Variants in HEATR4 observed in about 807,000 individuals in gnomAD.
HEATR4 encodes the protein HEAT repeat containing 4.
A neutral mutation model predicts 108.8 loss-of-function variants in HEATR4; 95 were observed. The observed-to-expected ratio is 0.87, with a 90% CI of 0.74 to 1.04. The LOEUF (loss-of-function observed/expected upper bound fraction) is 1.04, where lower values mean the gene tolerates loss of function less well. Ranked by LOEUF, HEATR4 falls within the 50% of genes least tolerant of loss-of-function variation. The probability of loss-of-function intolerance (pLI) is 0.00; values close to 1 mark genes in which losing one functional copy is unlikely to be tolerated. For synonymous variants in HEATR4, 443 were observed against 459.4 expected, an observed-to-expected ratio of 0.96 and a Z score of 0.46; for missense variants, 1,152 against 1,253.8, an observed-to-expected ratio of 0.92 and a Z score of 1.23.
chr14:73,508,078 C>T, intron 9 of HEATR4, 56 bp downstream of exon 9: 1 of 1,518,580 alleles, frequency 6.6e-7, no homozygotes, highest in Non-Finnish European at 9.1e-7. Flanking sequence ...CATTCACTGA[C>T]CTCAAAGACC....
At chr14:73,575,449 A>C in the HEATR4 span, 10 of 1,435,532 alleles carry the variant, frequency 7.0e-6, no homozygotes, top group Non-Finnish European at 9.2e-6. Flanking sequence ...GCTTGGAAAC[A>C]ACTCCAGACT....
At position 73,485,419 on chromosome 14, in the gene HEATR4, T is replaced by TC. The variant is rs1337071719; in HGVS notation, c.2845-6578dup. Among the ~76,000 whole-genome samples, 3 of 151,596 alleles carry TC rather than the reference T, an allele frequency of 2.0e-5. No individual in the cohort carries two copies. In the South Asian group the frequency reaches 6.2e-4, roughly 32 times the overall value. Reference sequence around the variant, plus strand: ...CATGGGTGAATTTTTTTTTTTTTTTTCGAGACAGGGTTTGGCTCTATTGCC... The same window carrying TC: ...CATGGGTGAATTTTTTTTTTTTTTTTCCGAGACAGGGTTTGGCTCTATTGCC... On this transcript the variant is annotated intron_variant, in intron 17 of 17. Coordinates refer to ENST00000553558, the MANE Select transcript of HEATR4 (RefSeq NM_001220484.1).
At chr14:73,585,542 A>T in the HEATR4 span, among the ~76,000 whole-genome samples, 1 of 151,926 alleles carries the variant, frequency 6.6e-6, no homozygotes, top group Admixed American at 6.6e-5. Flanking sequence ...AAAAATAATT[A>T]GCCGGGCTTG....
the HEATR4 span, among the ~76,000 whole-genome samples, chr14:73,627,686 C>T: frequency 6.6e-6 from 1 of 152,176 alleles, no homozygotes; most frequent in South Asian, 2.1e-4. Context: ...GAACCCATTT[C>T]TGGGTTTTTA....
At chr14:73,500,795 A>G in intron 11 of HEATR4, 65 bp from the exon 12 acceptor site, 1 of 1,444,318 alleles carries the variant, frequency 6.9e-7, no homozygotes, top group Non-Finnish European at 9.6e-7. Context: ...CCCAACCCCC[A>G]CTAATGCCCT....
the HEATR4 span, among the ~76,000 whole-genome samples, chr14:73,624,581 G>T: frequency 2.6e-5 from 4 of 152,190 alleles, no homozygotes; most frequent in East Asian, 3.9e-4. Context: ...CATCCAGCCT[G>T]GGTGACAGAG....
At chr14:73,509,205 A>G in intron 8 of HEATR4, 107 bp downstream of exon 8, 2 of 1,100,958 alleles carry the variant, frequency 1.8e-6, no homozygotes, top group Non-Finnish European at 2.7e-6. Flanking sequence ...TAAACCCAAT[A>G]CAGCAGACAT....
chr14:73,492,509 G>A lies in HEATR4; in HGVS notation c.2844+557C>T, dbSNP rs1464931860. The A allele has an allele frequency of 6.2e-7, 1 of 1,613,422 alleles. No individual in the cohort carries two copies. The highest frequency in any genetic ancestry group is 8.5e-7 in the Non-Finnish European group (1 of 1,179,726). On this transcript the variant is annotated intron_variant, in intron 17 of 17. Coordinates refer to ENST00000553558, the MANE Select transcript of HEATR4 (RefSeq NM_001220484.1). The surrounding 1 kb of genome is among the most constrained non-coding windows in gnomAD (Gnocchi z 4.9). Reference sequence around the variant, plus strand: ...ACACTTTGCTCCTGTTGATGCTGTGGCCGACCAGCGAGCCAAAGACTTCAT... The same window carrying A: ...ACACTTTGCTCCTGTTGATGCTGTGACCGACCAGCGAGCCAAAGACTTCAT...
At chr14:73,560,355 G>A (rs1180007606), upstream of HEATR4, among the ~76,000 whole-genome samples, 2 of 152,106 alleles carry the variant, frequency 1.3e-5, no homozygotes, top group Non-Finnish European at 1.5e-5. Flanking sequence ...CAGAGGGTAC[G>A]TTTTCTGTTA....
chr14:73,496,702 T>TATCTTTC, intron 14 of HEATR4, 23 bp from the exon 15 acceptor site: 1 of 1,275,440 alleles, frequency 7.8e-7, no homozygotes, highest in Non-Finnish European at 1.1e-6. Context: ...AAGGGCTTCT[T>TATCTTTC]AGATTATTCT....
At chr14:73,479,444 T>TTCTTTC (rs1566814217) in intron 17 of HEATR4, among the ~76,000 whole-genome samples, 2 of 145,776 alleles carry the variant, frequency 1.4e-5, no homozygotes, top group African/African-American at 5.1e-5. Flanking sequence ...TCTTTCTTTT[T>TTCTTTC]TTTTTTTTTT....
chr14:73,586,668 G>T, the HEATR4 span, among the ~76,000 whole-genome samples: 18 of 149,758 alleles, frequency 1.2e-4, no homozygotes, highest in Non-Finnish European at 2.2e-4. Flanking sequence ...ATGCACCACT[G>T]CACTGCAGCC....
chr14:73,613,242 T>C, the HEATR4 span, among the ~76,000 whole-genome samples: 1 of 152,234 alleles, frequency 6.6e-6, no homozygotes, highest in East Asian at 1.9e-4. Context: ...TGGGCTCAAG[T>C]CCTCTCGCCT....
chr14:73,479,142 G>A (rs1885139504), intron 17 of HEATR4, among the ~76,000 whole-genome samples: 1 of 151,342 alleles, frequency 6.6e-6, no homozygotes, highest in Non-Finnish European at 1.5e-5. Flanking sequence ...TTGAGACGGA[G>A]TCTCACACTC....
chr14:73,615,388 T>TAAAAAAAA, the HEATR4 span, among the ~76,000 whole-genome samples: 15 of 63,300 alleles, frequency 2.4e-4, 2 homozygotes, highest in African/African-American at 9.0e-4. Flanking sequence ...CTCTGTCTGA[T>TAAAAAAAA]AAAAAAAAAA....
upstream of HEATR4, among the ~76,000 whole-genome samples, chr14:73,560,549 G>A (rs1005603561): frequency 6.6e-6 from 1 of 151,530 alleles, no homozygotes; most frequent in African/African-American, 2.4e-5. Flanking sequence ...TGTAGTCCCA[G>A]CTACTTGGAG....
At chr14:73,573,575 G>T in the HEATR4 span, 1 of 1,613,704 alleles carries the variant, frequency 6.2e-7, no homozygotes, top group East Asian at 2.2e-5. Flanking sequence ...TGAACTACTT[G>T]CTCAGTCATC....
At chr14:73,503,951 C>A (rs1381856386) in intron 10 of HEATR4, among the ~76,000 whole-genome samples, 1 of 152,092 alleles carries the variant, frequency 6.6e-6, no homozygotes, top group Non-Finnish European at 1.5e-5. Context: ...TTTTTACTTT[C>A]AGTTGTCAAT....
the HEATR4 span, chr14:73,568,942 C>T: frequency 2.2e-6 from 1 of 454,078 alleles, no homozygotes; most frequent in East Asian, 3.8e-5. Flanking sequence ...TCAAAACTAA[C>T]TCCAGCTCTG....
Sources: allele counts gnomAD v4.1 joint callset (sites outside exome capture counted in the v4.1 genomes callset), GRCh38; gene constraint gnomAD v4.1.1; non-coding constraint Gnocchi (gnomAD v3.1); transcripts MANE v1.5; gene names NCBI Gene and HGNC (gene_info 2026-07-23, HGNC 2026-07-21).